PLEK: variants seen among roughly 807,000 people sequenced by gnomAD.
The protein encoded by PLEK is platelet 47 kDa protein.
Under a neutral mutation model 43.9 loss-of-function variants are expected in PLEK, and 25 were observed. The observed-to-expected ratio is 0.57, with a 90% CI of 0.41 to 0.79. The LOEUF is 0.79. PLEK is among the 30% of genes least tolerant of loss of function. The pLI is 0.00. For synonymous variants in PLEK, 152 were observed against 144.4 expected (o/e 1.05, Z -0.38); for missense variants, 396 against 413.3 (o/e 0.96, Z 0.36).
intron 1 of PLEK, among the ~76,000 whole-genome samples, chr2:68,372,458 G>T (rs1174983982): frequency 6.6e-6 from 1 of 151,746 alleles, no homozygotes; most frequent in Admixed American, 6.6e-5. Context: ...TTACAGGCAT[G>T]AGCCACTGCG....
intron 1 of PLEK, among the ~76,000 whole-genome samples, chr2:68,377,148 A>C (rs1673521647): frequency 6.6e-6 from 1 of 152,164 alleles, no homozygotes; most frequent in Non-Finnish European, 1.5e-5. Flanking sequence ...TATGTACTAC[A>C]CTTTCTTTAT....
intron 1 of PLEK, among the ~76,000 whole-genome samples, chr2:68,370,757 A>C (rs1256623553): frequency 6.6e-6 from 1 of 152,192 alleles, no homozygotes; most frequent in Non-Finnish European, 1.5e-5. Context: ...AAGTGCTAGG[A>C]TTACAGGTGT....
chr2:68,392,171 C>CTTCTT (rs1553358884), intron 6 of PLEK, among the ~76,000 whole-genome samples: 3 of 107,702 alleles, frequency 2.8e-5, no homozygotes, highest in African/African-American at 1.5e-4. Flanking sequence ...TTCTCCTCCT[C>CTTCTT]CTCCTTCTTC....
intron 6 of PLEK, among the ~76,000 whole-genome samples, chr2:68,391,590 C>G (rs1487706577): frequency 1.3e-5 from 2 of 152,188 alleles, no homozygotes; most frequent in African/African-American, 4.8e-5. Context: ...GAAGTGAGTT[C>G]CTTCACCAAA....
In PLEK at chr2:68,386,490, G is replaced by C. The variant is rs1673745311; in HGVS notation, c.473-12G>C. ...AAGGAGAGTTAACCTTCCCTGTGCT[G>C]GTCCCATCTAGGTAACTGCGTCATT... On this transcript the variant is annotated splice_polypyrimidine_tract_variant and intron_variant, in intron 4 of 8. Coordinates refer to ENST00000234313, the MANE Select transcript of PLEK (RefSeq NM_002664.3). 1.2e-6 allele frequency: 2 copies of C among 1,610,424 alleles called. No individual in the cohort carries two copies. Among genetic ancestry groups the C allele is most frequent in the Non-Finnish European group, 1.7e-6 (2 of 1,177,314 alleles).
intron 1 of PLEK, among the ~76,000 whole-genome samples, chr2:68,372,709 A>G (rs1383327455): frequency 6.6e-6 from 1 of 152,160 alleles, no homozygotes; most frequent in Non-Finnish European, 1.5e-5. Context: ...ACACACACAC[A>G]GACACACATA....
At chr2:68,373,859 A>T (rs1235050719) in intron 1 of PLEK, among the ~76,000 whole-genome samples, 2 of 152,176 alleles carry the variant, frequency 1.3e-5, no homozygotes, top group East Asian at 1.9e-4. Context: ...AGGTATTTTT[A>T]AAATTTTTTA....
In PLEK at chr2:68,386,491, G is replaced by A; in HGVS notation, c.473-11G>A. The A allele has an allele frequency of 6.2e-7, 1 of 1,611,114 alleles. No individual in the cohort carries two copies. Among genetic ancestry groups the A allele is most frequent in the South Asian group, 1.1e-5 (1 of 90,954 alleles). On this transcript the variant is annotated splice_polypyrimidine_tract_variant and intron_variant, in intron 4 of 8. Coordinates refer to ENST00000234313, the MANE Select transcript of PLEK (RefSeq NM_002664.3). ...AGGAGAGTTAACCTTCCCTGTGCTG[G>A]TCCCATCTAGGTAACTGCGTCATTG...
At chr2:68,376,819 C>A (rs1673512180) in intron 1 of PLEK, among the ~76,000 whole-genome samples, 1 of 152,082 alleles carries the variant, frequency 6.6e-6, no homozygotes, top group Non-Finnish European at 1.5e-5. Flanking sequence ...ATTAAGTTGG[C>A]AATAGTCACA....
chr2:68,375,442 CAGAA>C (rs1673484237), intron 1 of PLEK, among the ~76,000 whole-genome samples: 1 of 152,128 alleles, frequency 6.6e-6, no homozygotes, highest in African/African-American at 2.4e-5. Context: ...AGTTGTAAAA[CAGAA>C]AGGCATTTTA....
intron 1 of PLEK, among the ~76,000 whole-genome samples, chr2:68,367,441 A>G (rs1673301870): frequency 6.6e-6 from 1 of 152,158 alleles, no homozygotes; most frequent in Non-Finnish European, 1.5e-5. Flanking sequence ...ACTCTCACAT[A>G]GCTTCCAGCG....
intron 8 of PLEK, among the ~76,000 whole-genome samples, chr2:68,394,799 T>A (rs1196459521): frequency 6.6e-6 from 1 of 152,216 alleles, no homozygotes; most frequent in Non-Finnish European, 1.5e-5. Context: ...GGGTGTAGTT[T>A]GACTTCTCAG....
intron 4 of PLEK, among the ~76,000 whole-genome samples, chr2:68,384,650 A>C (rs376828607): frequency 6.6e-6 from 1 of 152,314 alleles, no homozygotes; most frequent in Non-Finnish European, 1.5e-5. Flanking sequence ...GGGACCCAGC[A>C]GTACTGACAC....
intron 1 of PLEK, among the ~76,000 whole-genome samples, chr2:68,380,006 C>T (rs567899524): frequency 6.6e-6 from 1 of 152,038 alleles, no homozygotes; most frequent in South Asian, 2.1e-4. Flanking sequence ...CTGTGCAGTT[C>T]GGGAAGCCTC....
In PLEK at chr2:68,388,383, A is replaced by G. The variant is rs1265622638; in HGVS notation, c.658-4A>G. On this transcript the variant is annotated splice_region_variant and splice_polypyrimidine_tract_variant and intron_variant, in intron 5 of 8. Coordinates refer to ENST00000234313, the MANE Select transcript of PLEK (RefSeq NM_002664.3). The stretch of plus-strand genomic sequence containing the variant: ...TGTTAGCTTGCTGTTTGATTTTCCA[A>G]CAGCCAGACAGTGGGTTCTTCTGTG... 3 of 1,585,896 alleles carry G rather than the reference A, an allele frequency of 1.9e-6. No individual in the cohort carries two copies. Among genetic ancestry groups the G allele is most frequent in the Non-Finnish European group, 2.6e-6 (3 of 1,154,418 alleles).
At chr2:68,385,067 G>A (rs993705821) in intron 4 of PLEK, among the ~76,000 whole-genome samples, 1 of 152,192 alleles carries the variant, frequency 6.6e-6, no homozygotes, top group Non-Finnish European at 1.5e-5. Flanking sequence ...CAGGCAGGCT[G>A]TCATGTTGAC....
intron 1 of PLEK, among the ~76,000 whole-genome samples, chr2:68,366,132 A>G (rs1290285720): frequency 2.6e-5 from 4 of 152,210 alleles, no homozygotes; most frequent in African/African-American, 9.6e-5. Context: ...GAATTCACAC[A>G]TAGGACTTGG....
intron 8 of PLEK, 86 bp from the exon 9 acceptor site, chr2:68,395,594 A>T: frequency 7.1e-7 from 1 of 1,409,962 alleles, no homozygotes. Flanking sequence ...CGAAGAAAAC[A>T]GAGATTTCAT....
At chr2:68,394,397 C>A (rs189421666) in intron 8 of PLEK, among the ~76,000 whole-genome samples, 1 of 152,292 alleles carries the variant, frequency 6.6e-6, no homozygotes, top group East Asian at 1.9e-4. Context: ...CGTGGTGAAA[C>A]CCCATCTCTA....
Sources: gnomAD v4.1 joint callset for allele counts (sites outside exome capture counted in the v4.1 genomes callset) on GRCh38, gnomAD v4.1.1 for gene constraint, MANE v1.5 for transcripts, NCBI Gene and HGNC (gene_info 2026-07-23, HGNC 2026-07-21) for gene names.